Variants in WDR59 observed in about 807,000 individuals in gnomAD.
WDR59 encodes the protein GATOR2 complex protein WDR59.
A neutral mutation model predicts 131.2 loss-of-function variants in WDR59; 100 were observed. The ratio of observed to expected loss-of-function variants is 0.76; its 90% CI spans 0.65 to 0.90. The LOEUF (loss-of-function observed/expected upper bound fraction) is 0.90. Ranked by LOEUF, WDR59 falls within the 40% of genes least tolerant of loss-of-function variation. The pLI, the probability that WDR59 is intolerant of heterozygous loss-of-function variation, is 0.00. For synonymous variants in WDR59, 601 were observed against 466.2 expected (o/e 1.29, Z -3.72); for missense variants, 1,203 against 1,262.2 (o/e 0.95, Z 0.71).
intron 8 of WDR59, among the ~76,000 whole-genome samples, chr16:74,937,373 G>A (rs1333519407): frequency 6.6e-6 from 1 of 152,220 alleles, no homozygotes; most frequent in Non-Finnish European, 1.5e-5. Flanking sequence ...ATAAGCATGT[G>A]AGGGAGCAGC....
chr16:74,977,613 G>A (rs376455559), intron 1 of WDR59, among the ~76,000 whole-genome samples: 17 of 152,222 alleles, frequency 1.1e-4, no homozygotes, highest in East Asian at 1.9e-4. Context: ...GCGTGAACCC[G>A]GGAGGCGGAG....
intron 6 of WDR59, 138 bp from the exon 7 acceptor site, chr16:74,942,964 T>A (rs986335983): frequency 1.5e-6 from 1 of 687,914 alleles, no homozygotes; most frequent in African/African-American, 1.8e-5. Flanking sequence ...CTGCACCAAC[T>A]CCACTATTCC....
rs754638580 is a variant in WDR59 at position 74,874,098 on chromosome 16, C to T, written c.*111G>A. 13 of 878,030 alleles carry T rather than the reference C, an allele frequency of 1.5e-5. No homozygotes were observed. Among genetic ancestry groups the T allele is most frequent in the African/African-American group, 6.7e-5 (4 of 59,648 alleles). The allele number at this position is 878,030 out of a possible 1,614,324, so 54.4% of individuals were successfully genotyped here. A position where few individuals can be genotyped will look rare whatever the true frequency, so the allele number is the denominator to read the frequency against. On this transcript the variant is annotated 3_prime_UTR_variant, in exon 26 of 26. Coordinates refer to ENST00000262144, the MANE Select transcript of WDR59 (RefSeq NM_030581.4). The stretch of plus-strand genomic sequence containing the variant: ...GCGCAGTCCTTGGGGGATCATCCTC[C>T]GGTCTCACTGGGGACGAACCCAGGT...
intron 5 of WDR59, among the ~76,000 whole-genome samples, chr16:74,949,311 A>G (rs1158252862): frequency 7.1e-6 from 1 of 141,558 alleles, no homozygotes; most frequent in African/African-American, 2.7e-5. Context: ...AGACTGGGTG[A>G]CAGAGTAATA....
chr16:74,892,820 T>C (rs1199418149), intron 19 of WDR59, among the ~76,000 whole-genome samples: 1 of 152,214 alleles, frequency 6.6e-6, no homozygotes, highest in African/African-American at 2.4e-5. Context: ...GGGCAGGCCA[T>C]ACTCAAATAC....
At chr16:74,943,211 A>C (rs1352688530) in intron 6 of WDR59, among the ~76,000 whole-genome samples, 1 of 151,128 alleles carries the variant, frequency 6.6e-6, no homozygotes, top group Non-Finnish European at 1.5e-5. Context: ...ACTCCTAATT[A>C]GAACAGCCTC....
rs10626995 is a variant in WDR59 at position 74,964,379 on chromosome 16, C to CA, written c.104+1393dup. 6.1e-4 allele frequency among the ~76,000 whole-genome samples: 87 copies of CA among 141,918 alleles called. 1 individual carries two copies. The highest frequency in any genetic ancestry group is 1.1e-3 in the South Asian group (5 of 4,510). The allele number at this position is 141,918 out of a possible 152,430, so 93.1% of individuals were successfully genotyped here. ...GGGCAACAAGAGCGAAACATCATCT[C>CA]AAAAAAAAAAAAGAGCAGGGAGCTG... On this transcript the variant is annotated intron_variant, in intron 2 of 25. Transcript: ENST00000262144.
At chr16:74,920,320 G>T (rs183769441) in intron 10 of WDR59, among the ~76,000 whole-genome samples, 1 of 152,276 alleles carries the variant, frequency 6.6e-6, no homozygotes, top group East Asian at 1.9e-4. Context: ...TAGCCCAAAT[G>T]TAGGCCGATG....
intron 10 of WDR59, among the ~76,000 whole-genome samples, chr16:74,921,292 C>T (rs2030201970): frequency 6.6e-6 from 1 of 151,902 alleles, no homozygotes; most frequent in Admixed American, 6.6e-5. Context: ...TTCCCCTCTT[C>T]CACAGTTAAA....
chr16:74,940,950 C>A (rs990713980), intron 7 of WDR59, among the ~76,000 whole-genome samples: 4 of 151,938 alleles, frequency 2.6e-5, no homozygotes, highest in Non-Finnish European at 4.4e-5. Context: ...GTGATCCACC[C>A]GCCTCAGCCT....
intron 9 of WDR59, 68 bp downstream of exon 9, chr16:74,923,858 C>T (rs2030503378): frequency 7.3e-7 from 1 of 1,379,114 alleles, no homozygotes; most frequent in Non-Finnish European, 1.0e-6. Context: ...AGAAAATGTC[C>T]CCGGGCTCCT....
rs2034417652 is a variant in WDR59 at position 74,981,637 on chromosome 16, TATATATATA to T, written c.54+3318_54+3326del. Among the ~76,000 whole-genome samples, 68 of 31,496 alleles carry T rather than the reference TATATATATA, an allele frequency of 2.2e-3. 9 individuals carry two copies. The highest frequency in any genetic ancestry group is 8.2e-3 in the African/African-American group (65 of 7,900). The allele number at this position is 31,496 out of a possible 152,430, so 20.7% of individuals were successfully genotyped here. A position where few individuals can be genotyped will look rare whatever the true frequency, so the allele number is the denominator to read the frequency against. ...ACATATATATATATATATATATATATATATATATATATATATATATATATTTTTTTTTTT... is the reference window on the plus strand; with the variant it reads ...ACATATATATATATATATATATATATTATATATATATATATTTTTTTTTTT... On this transcript the variant is annotated intron_variant, in intron 1 of 25. Coordinates refer to ENST00000262144, the MANE Select transcript of WDR59 (RefSeq NM_030581.4).
At chr16:74,960,725 G>T in intron 2 of WDR59, among the ~76,000 whole-genome samples, 1 of 148,984 alleles carries the variant, frequency 6.7e-6, no homozygotes. Flanking sequence ...TCCAGCCTTG[G>T]TGACAGAGCA....
chr16:74,959,430 G>A (rs980894199), intron 2 of WDR59: 12 of 390,444 alleles, frequency 3.1e-5, no homozygotes, highest in Admixed American at 6.7e-5. Context: ...CTCAGTCACC[G>A]GAGGAAACCT....
chr16:74,888,245 C>T lies in WDR59; in HGVS notation c.2270G>A (p.Arg757Gln), dbSNP rs147132881. 8.7e-6 allele frequency: 14 copies of T among 1,613,928 alleles called. No individual in the cohort carries two copies. In the East Asian group the frequency reaches 8.9e-5, roughly 10 times the overall value. The change falls in exon 22 of 26, where the codon CGG (arginine) becomes CAG (glutamine). Residue 757 changes from arginine to glutamine, a missense_variant. Transcript: ENST00000262144. ...MLCSVFEAQSRPQGLPNPFGP... is the reference protein window; with the variant it reads ...MLCSVFEAQSQPQGLPNPFGP... ...AAAGGGGTTTGGTAGCCCCTGAGGC[C>T]GAGACTGGGCTTCAAACACGCTACA...
At position 74,924,266 on chromosome 16, in the gene WDR59, G is replaced by A. The variant is rs548436933; in HGVS notation, c.652-263C>T. ...GGTCACTGTCAACAGGTTTGATTAC[G>A]AAATGACCTTTAGAGCTGAAAATTC... On this transcript the variant is annotated intron_variant, in intron 8 of 25. Coordinates refer to ENST00000262144, the MANE Select transcript of WDR59 (RefSeq NM_030581.4). Among the ~76,000 whole-genome samples, 77 of 152,312 alleles carry A rather than the reference G, an allele frequency of 5.1e-4. 1 individual carries two copies. In the South Asian group the frequency reaches 5.4e-3, roughly 11 times the overall value.
chr16:74,882,478 A>G (rs1183033404), intron 25 of WDR59, among the ~76,000 whole-genome samples: 2 of 152,142 alleles, frequency 1.3e-5, no homozygotes, highest in Non-Finnish European at 2.9e-5. Context: ...CACACCTGTA[A>G]TCCCAGCACT....
intron 3 of WDR59, among the ~76,000 whole-genome samples, chr16:74,955,939 T>G (rs1010407289): frequency 1.3e-5 from 2 of 152,022 alleles, no homozygotes; most frequent in Non-Finnish European, 2.9e-5. Flanking sequence ...CTAACAAAAC[T>G]TATACATGTT....
At chr16:74,942,162 T>C (rs8059903) in intron 7 of WDR59, among the ~76,000 whole-genome samples, 81,933 of 151,992 alleles carry the variant, frequency 0.54, 25,100 homozygotes, top group African/African-American at 0.83. Context: ...TGTTTCCATC[T>C]CTAGGTGTCC....
Sources: allele counts gnomAD v4.1 joint callset (sites outside exome capture counted in the v4.1 genomes callset), GRCh38; gene constraint gnomAD v4.1.1; transcripts MANE v1.5; gene names NCBI Gene and HGNC (gene_info 2026-07-23, HGNC 2026-07-21).